The following CCT5 variants were observed in gnomAD, a reference collection of about 807,000 sequenced individuals.
CCT5 encodes T-complex protein 1 subunit epsilon.
A neutral mutation model predicts 55.0 loss-of-function variants in CCT5; 6 were observed. The observed-to-expected ratio is 0.11, with a 90% CI of 0.06 to 0.22. The LOEUF (loss-of-function observed/expected upper bound fraction) is 0.22. Ranked by LOEUF, CCT5 falls within the 10% of genes least tolerant of loss-of-function variation. The probability of loss-of-function intolerance (pLI) is 1.00; values close to 1 mark genes in which losing one functional copy is unlikely to be tolerated. For missense variants in CCT5, 560 were observed against 694.6 expected (o/e 0.81, Z 2.18); for synonymous variants, 231 against 243.7 (o/e 0.95, Z 0.49).
At position 10,264,710 on chromosome 5, in the gene CCT5, C is replaced by G; in HGVS notation, c.1553C>G (p.Ser518Cys). ...ETLIGKKQQI[S>C]LATQMVRMIL... ...TTGATTGGCAAAAAGCAACAGATAT[C>G]TCTTGCAACACAAATGGTTAGAATG... Residue 518 changes from serine to cysteine, a missense_variant, in exon 11 of 11, where the codon TCT (serine) becomes TGT (cysteine). Around this residue, in one of 4 missense-constraint regions of CCT5, gnomAD observed 115 missense variants for 105.0 expected, o/e 1.10. Transcript: ENST00000280326. 3 of 1,613,936 alleles carry G rather than the reference C, an allele frequency of 1.9e-6. No individual in the cohort carries two copies. The highest frequency in any genetic ancestry group is 2.5e-6 in the Non-Finnish European group (3 of 1,179,828).
rs185018403 is a variant in CCT5, at chr5:10,250,896, G to T, written c.105+451G>T. 8 of 1,030,976 alleles carry T rather than the reference G, an allele frequency of 7.8e-6. No individual in the cohort carries two copies. In the African/African-American group the frequency reaches 1.4e-4, roughly 18 times the overall value. The allele number at this position is 1,030,976 out of a possible 1,614,324, so 63.9% of individuals were successfully genotyped here. A position where few individuals can be genotyped will look rare whatever the true frequency, so the allele number is the denominator to read the frequency against. On this transcript the variant is annotated intron_variant, in intron 1 of 10. Transcript: ENST00000280326. The stretch of plus-strand genomic sequence containing the variant: ...CGTTTTCTTTGTCACTCGTAAAGGT[G>T]TGGTCACTTAACAGGGTATTTCATT...
rs909052313 is a variant in CCT5 at position 10,257,452 on chromosome 5, A to G, written c.531-659A>G. On this transcript the variant is annotated intron_variant, in intron 4 of 10. Transcript: ENST00000280326. ...TATTAAGTCATCTACTTAAGATACAACATGTTTACTTTCATGGTTCTCTTT... is the reference window on the plus strand; with the variant it reads ...TATTAAGTCATCTACTTAAGATACAGCATGTTTACTTTCATGGTTCTCTTT... Among the ~76,000 whole-genome samples, 3 of 152,376 alleles carry G rather than the reference A, an allele frequency of 2.0e-5. No homozygotes were observed. The East Asian group carries it at 5.8e-4, about 29-fold the overall frequency.
intron 2 of CCT5, 33 bp from the exon 3 acceptor site, chr5:10,254,641 T>G (rs1268273914): frequency 6.8e-6 from 11 of 1,611,290 alleles, no homozygotes; most frequent in Non-Finnish European, 9.3e-6. Context: ...TTGCCAGTTT[T>G]TTGCGCAAAG....
intron 1 of CCT5, among the ~76,000 whole-genome samples, chr5:10,253,253 C>T (rs1004137637): frequency 2.6e-5 from 4 of 151,340 alleles, no homozygotes; most frequent in African/African-American, 9.7e-5. Context: ...CGCTTAAACC[C>T]GGGAGGCGGA....
Position 10,262,474 on chromosome 5 carries a change from T to C in CCT5, c.1180-7T>C. 1 of 1,613,822 alleles carries C rather than the reference T, an allele frequency of 6.2e-7. No individual in the cohort carries two copies. Among genetic ancestry groups the C allele is most frequent in the Non-Finnish European group, 8.5e-7 (1 of 1,179,992 alleles). ...CACATTAATTCAGGCAAAGCTGTTT[T>C]CCTTAGATCATTGAGGAGGCGAAAC... On this transcript the variant is annotated splice_polypyrimidine_tract_variant and splice_region_variant and intron_variant, in intron 8 of 10. Transcript: ENST00000280326.
intron 1 of CCT5, among the ~76,000 whole-genome samples, chr5:10,251,539 G>A (rs929325464): frequency 6.6e-6 from 1 of 152,148 alleles, no homozygotes; most frequent in African/African-American, 2.4e-5. Context: ...GTGTCTTGGA[G>A]GTTTACTTAC....
intron 6 of CCT5, 147 bp downstream of exon 6, chr5:10,258,682 A>C: frequency 1.3e-6 from 1 of 763,710 alleles, no homozygotes; most frequent in Non-Finnish European, 2.2e-6. Flanking sequence ...TAAACAGGGA[A>C]GAATTCTAAT....
At position 10,250,337 on chromosome 5, in the gene CCT5, C is replaced by A. The variant is rs376371651; in HGVS notation, c.-4C>A. On this transcript the variant is annotated 5_prime_UTR_variant, in exon 1 of 11. Coordinates refer to ENST00000280326, the MANE Select transcript of CCT5 (RefSeq NM_012073.5). ...TGGGGGGAAGTAATTCCGGTTGTTG[C>A]ACCATGGCGTCCATGGGGACCCTCG... The A allele has an allele frequency of 1.2e-6, 2 of 1,614,050 alleles. No homozygotes were observed. Among genetic ancestry groups the A allele is most frequent in the Non-Finnish European group, 1.7e-6 (2 of 1,180,032 alleles).
At position 10,255,989 on chromosome 5, in the gene CCT5, A is replaced by G. The variant is rs761904736; in HGVS notation, c.366A>G (p.Gln122=). Reference sequence around the variant, plus strand: ...GTGCCTTGTTAGAAGAAGCGGAGCAATTGCTAGACCGAGGCATTCACCCAA... The same window carrying G: ...GTGCCTTGTTAGAAGAAGCGGAGCAGTTGCTAGACCGAGGCATTCACCCAA... ...LAGALLEEAE[Q]LLDRGIHPIR... The change falls in exon 4 of 11, where the codon CAA becomes CAG. Residue 122 remains glutamine, a synonymous_variant. Transcript: ENST00000280326. 1 of 1,614,084 alleles carries G rather than the reference A, an allele frequency of 6.2e-7. No individual in the cohort carries two copies.
intron 10 of CCT5, among the ~76,000 whole-genome samples, chr5:10,263,635 A>G (rs187831268): frequency 2.0e-4 from 30 of 152,326 alleles, no homozygotes; most frequent in African/African-American, 6.7e-4. Flanking sequence ...TGGGCAGCAT[A>G]TATATAACAG....
At position 10,254,176 on chromosome 5, in the gene CCT5, A is replaced by G; in HGVS notation, c.137A>G (p.Asn46Ser). 6.2e-7 allele frequency: 1 copy of G among 1,610,288 alleles called. No homozygotes were observed. Among genetic ancestry groups the G allele is most frequent in the Non-Finnish European group, 8.5e-7 (1 of 1,176,590 alleles). ...SHIMAAKAVA[N>S]TMRTSLGPNG... ...ATAATGGCAGCAAAGGCTGTAGCAA[A>G]TACAATGAGAACATCACTTGGACCA... Residue 46 changes from asparagine to serine, a missense_variant, in exon 2 of 11, where the codon AAT (asparagine) becomes AGT (serine). By Grantham distance (46) the Asn-to-Ser change is conservative. Transcript: ENST00000280326.
chr5:10,250,916 T>C, intron 1 of CCT5: 1 of 988,874 alleles, frequency 1.0e-6, no homozygotes, highest in Non-Finnish European at 1.2e-6. Flanking sequence ...AACAGGGTAT[T>C]TCATTTCTGA....
At chr5:10,259,162 A>C (rs1745829508) in intron 6 of CCT5, among the ~76,000 whole-genome samples, 1 of 152,168 alleles carries the variant, frequency 6.6e-6, no homozygotes, top group African/African-American at 2.4e-5. Context: ...GAGTAACTGG[A>C]GTTAAACCAG....
intron 6 of CCT5, among the ~76,000 whole-genome samples, chr5:10,260,542 G>GT (rs1417413522): frequency 1.6e-5 from 1 of 63,598 alleles, no homozygotes; most frequent in Non-Finnish European, 5.5e-5. Context: ...ATAGGGTTCA[G>GT]CAGAATTACT....
chr5:10,264,386 T>A (rs1364484921), intron 10 of CCT5, among the ~76,000 whole-genome samples: 3 of 152,206 alleles, frequency 2.0e-5, no homozygotes, highest in Middle Eastern at 6.3e-3. Flanking sequence ...GATAAGATGT[T>A]CCTGAAAAAT....
At chr5:10,255,430 C>T (rs574329429) in intron 3 of CCT5, among the ~76,000 whole-genome samples, 1 of 151,326 alleles carries the variant, frequency 6.6e-6, no homozygotes, top group East Asian at 2.0e-4. Context: ...AGTAAGGTTA[C>T]CTTTTCTGCA....
rs745398769 is a variant in CCT5 at position 10,258,547 on chromosome 5, C to CTTACTTGTTGGT, written c.873+12_873+13insTTACTTGTTGGT. ...AGATGATTCAACAAGTAAGTCTTACCAGAGTCCTCAGTGGAATTTAAACTC... is the reference window on the plus strand; with the variant it reads ...AGATGATTCAACAAGTAAGTCTTACCTTACTTGTTGGTAGAGTCCTCAGTGGAATTTAAACTC... On this transcript the variant is annotated intron_variant, in intron 6 of 10. Transcript: ENST00000280326. 1 of 1,609,666 alleles carries CTTACTTGTTGGT rather than the reference C, an allele frequency of 6.2e-7. No individual in the cohort carries two copies. Among genetic ancestry groups the CTTACTTGTTGGT allele is most frequent in the South Asian group, 1.1e-5 (1 of 90,968 alleles).
At chr5:10,258,356 C>A in intron 5 of CCT5, 30 bp from the exon 6 acceptor site, 1 of 1,613,936 alleles carries the variant, frequency 6.2e-7, no homozygotes, top group Non-Finnish European at 8.5e-7. Context: ...TTAATTCCAC[C>A]AATTAAAATG....
At chr5:10,261,324 C>T (rs1174468961) in intron 7 of CCT5, 16 of 558,450 alleles carry the variant, frequency 2.9e-5, no homozygotes, top group Middle Eastern at 4.7e-4. Context: ...GCTTAGGGGA[C>T]GGGCGCCGGG....
Sources: allele counts gnomAD v4.1 joint callset (sites outside exome capture counted in the v4.1 genomes callset), GRCh38; gene constraint gnomAD v4.1.1; regional missense constraint gnomAD v4.1.1; transcripts MANE v1.5; gene names NCBI Gene and HGNC (gene_info 2026-07-23, HGNC 2026-07-21).